The following MYO15A variants were observed in gnomAD, a reference collection of about 807,000 sequenced individuals.
MYO15A encodes myosin XVA, also known as unconventional myosin-XV.
Under a neutral mutation model 394.6 loss-of-function variants are expected in MYO15A, and 308 were observed. The ratio of observed to expected loss-of-function variants is 0.78; its 90% confidence interval spans 0.71 to 0.86. The LOEUF (loss-of-function observed/expected upper bound fraction) is 0.86, where lower values mean the gene tolerates loss of function less well. Among genes scored for constraint, MYO15A ranks in the 40% least tolerant of loss-of-function variants. The pLI is 0.00. For missense variants in MYO15A, 4,606 were observed against 4,799.1 expected, an observed-to-expected ratio of 0.96 and a Z score of 1.19; for synonymous variants, 1,957 against 2,003.8, an observed-to-expected ratio of 0.98 and a Z score of 0.62.
At chr17:18,129,344 AC>A (rs2142291696) in intron 7 of MYO15A, among the ~76,000 whole-genome samples, 1 of 152,304 alleles carries the variant, frequency 6.6e-6, no homozygotes, top group East Asian at 1.9e-4. Flanking sequence ...GAAGCAGCCA[AC>A]CTGTCCTCAA....
At chr17:18,170,305 G>A (rs1470450193) in intron 62 of MYO15A, among the ~76,000 whole-genome samples, 2 of 151,596 alleles carry the variant, frequency 1.3e-5, no homozygotes, top group Non-Finnish European at 2.9e-5. Context: ...AACACAGTAA[G>A]GGCTCAATAT....
intron 1 of MYO15A, among the ~76,000 whole-genome samples, chr17:18,114,190 G>C (rs1452900502): frequency 6.8e-6 from 1 of 146,914 alleles, no homozygotes; most frequent in Admixed American, 6.8e-5. Flanking sequence ...ACAATGCTGT[G>C]GTTTTAGTAT....
chr17:18,156,147 G>A, intron 47 of MYO15A, 48 bp from the exon 48 acceptor site: 1 of 1,613,302 alleles, frequency 6.2e-7, no homozygotes, highest in African/African-American at 1.3e-5. Flanking sequence ...TAGGTGGAAG[G>A]AGGGCATCCC....
In MYO15A at chr17:18,157,733, G is replaced by C; in HGVS notation, c.8800G>C (p.Gly2934Arg). ...TTACCCACCCCTAGGCTGGAGGTTC[G>C]GGACCATCCACGGGCGCGTGGGCCG... is the stretch of plus-strand genomic sequence containing the variant. Reference protein sequence around the residue: ...RRGPDFGWRFGTIHGRVGRFP... With the variant: ...RRGPDFGWRFRTIHGRVGRFP... Residue 2934 changes from glycine to arginine, a missense_variant, in exon 51 of 66, where the codon GGG becomes CGG. By Grantham distance (125) the Gly-to-Arg change is moderately radical. Around this residue, in one of 2 missense-constraint regions of MYO15A, gnomAD observed 2,776 missense variants for 3,109.3 expected, o/e 0.89. Transcript: ENST00000647165. 1.2e-6 allele frequency: 2 copies of C among 1,606,298 alleles called. No homozygotes were observed. The highest frequency in any genetic ancestry group is 1.6e-4 in the Middle Eastern group (1 of 6,062).
intron 4 of MYO15A, chr17:18,125,434 C>T (rs376653291): frequency 1.7e-6 from 1 of 595,948 alleles, no homozygotes; most frequent in Admixed American, 2.7e-5. Context: ...AGTGGCTCAC[C>T]CTGTAATCCC....
rs376298049 is a variant in MYO15A at position 18,140,393 on chromosome 17, G to C, written c.5212-124G>C. The C allele has an allele frequency of 4.4e-6, 6 of 1,361,978 alleles. No individual in the cohort carries two copies. In the African/African-American group the frequency reaches 7.1e-5, roughly 16 times the overall value. The allele number at this position is 1,361,978 out of a possible 1,614,324, so 84.4% of individuals were successfully genotyped here. Reference sequence around the variant, plus strand: ...CAGGATGACAGAGGCCTTGCAGAGAGAACAGGGGTCCAGTTAGTCTTCAGA... The same window carrying C: ...CAGGATGACAGAGGCCTTGCAGAGACAACAGGGGTCCAGTTAGTCTTCAGA... On this transcript the variant is annotated intron_variant, in intron 19 of 65. Transcript: ENST00000647165.
Position 18,126,885 on chromosome 17 carries a change from G to C in MYO15A, c.3941+20G>C, listed in dbSNP as rs1396069541. 1.9e-6 allele frequency: 3 copies of C among 1,613,792 alleles called. No individual in the cohort carries two copies. The highest frequency in any genetic ancestry group is 2.5e-6 in the Non-Finnish European group (3 of 1,179,848). The stretch of plus-strand genomic sequence containing the variant: ...CATTAGGTGAGTGGGCTGCCTTTAT[G>C]TGGGGGATAAATGGGGGACCTTAGG... On this transcript the variant is annotated intron_variant, in intron 6 of 65. Transcript: ENST00000647165.
intron 60 of MYO15A, chr17:18,164,315 C>T: frequency 8.8e-6 from 2 of 226,822 alleles, no homozygotes; most frequent in Admixed American, 5.3e-5. Context: ...ATCCCAAAGC[C>T]CCTTCCATCT....
At position 18,121,918 on chromosome 17, in the gene MYO15A, C is replaced by A; in HGVS notation, c.3118C>A (p.Pro1040Thr). 2 of 1,613,158 alleles carry A rather than the reference C, an allele frequency of 1.2e-6. No individual in the cohort carries two copies. Among genetic ancestry groups the A allele is most frequent in the African/African-American group, 1.3e-5 (1 of 75,014 alleles). Residue 1040 changes from proline to threonine, a missense_variant, in exon 2 of 66, where the codon CCC (proline) becomes ACC (threonine). This residue lies in a region of MYO15A where 1,830 missense variants were observed against 1,689.7 expected (regional missense o/e 1.08). Coordinates refer to ENST00000647165, the MANE Select transcript of MYO15A (RefSeq NM_016239.4). The surrounding 1 kb of genome is among the most constrained non-coding windows in gnomAD (Gnocchi z 5.3). ...PTPAPPKDVTPPKDITPPKDV... is the reference protein window; with the variant it reads ...PTPAPPKDVTTPKDITPPKDV... ...CCCAGCACCTCCCAAGGATGTCACT[C>A]CCCCCAAGGATATCACTCCCCCCAA...
rs1597831293 is a variant in MYO15A, at chr17:18,178,965, G to C, written c.*95G>C. On this transcript the variant is annotated 3_prime_UTR_variant, in exon 66 of 66. Transcript: ENST00000647165. Reference sequence around the variant, plus strand: ...CTCTCAGGATCAATGACCCCTGTAAGGGGCCAGAGCCTTGGAGGACACTAA... The same window carrying C: ...CTCTCAGGATCAATGACCCCTGTAACGGGCCAGAGCCTTGGAGGACACTAA... 7.8e-7 allele frequency: 1 copy of C among 1,282,268 alleles called. No individual in the cohort carries two copies. The highest frequency in any genetic ancestry group is 2.5e-5 in the East Asian group (1 of 40,488). The allele number at this position is 1,282,268 out of a possible 1,614,324, so 79.4% of individuals were successfully genotyped here.
Position 18,132,043 on chromosome 17 carries a change from C to T in MYO15A, c.4207-410C>T, listed in dbSNP as rs750447317. Among the ~76,000 whole-genome samples the T allele has an allele frequency of 2.0e-5, 3 of 152,194 alleles. No homozygotes were observed. The highest frequency in any genetic ancestry group is 6.5e-5 in the Admixed American group (1 of 15,284). ...CCATCAGGTCAGGGGCTTCTCTCTA[C>T]GTTGTTCCCCACTATGTCCCAAGGG... On this transcript the variant is annotated intron_variant, in intron 10 of 65. Transcript: ENST00000647165. The surrounding 1 kb of genome is among the most constrained non-coding windows in gnomAD (Gnocchi z 4.6).
chr17:18,135,926 C>T (rs1210030356), intron 13 of MYO15A, 102 bp downstream of exon 13: 2 of 1,064,398 alleles, frequency 1.9e-6, no homozygotes, highest in Non-Finnish European at 1.4e-6. Flanking sequence ...CTCTCTCCTG[C>T]TCTCTCTGTC....
rs1206025615 is a variant in MYO15A at position 18,120,668 on chromosome 17, G to A, written c.1868G>A (p.Gly623Asp). The change falls in exon 2 of 66, where the codon GGC becomes GAC. Residue 623 changes from glycine (G) to aspartate (D), a missense_variant. Physicochemically the swap from Gly to Asp is moderately conservative, Grantham distance 94. Transcript: ENST00000647165. ...KLAGMDPEKPGTPIVLRRAQP... is the reference protein window; with the variant it reads ...KLAGMDPEKPDTPIVLRRAQP... Reference sequence around the variant, plus strand: ...GCTGGCATGGACCCCGAGAAGCCCGGCACGCCCATCGTGCTGAGGAGGGCC... The same window carrying A: ...GCTGGCATGGACCCCGAGAAGCCCGACACGCCCATCGTGCTGAGGAGGGCC... 1.9e-6 allele frequency: 3 copies of A among 1,585,634 alleles called. No homozygotes were observed. Among genetic ancestry groups the A allele is most frequent in the Non-Finnish European group, 2.6e-6 (3 of 1,171,026 alleles).
intron 2 of MYO15A, 60 bp from the exon 3 acceptor site, chr17:18,124,423 G>A (rs997151951): frequency 8.3e-6 from 13 of 1,564,704 alleles, no homozygotes; most frequent in South Asian, 1.1e-5. Flanking sequence ...CCAAGCCAGG[G>A]GTCAGTGGGG....
At chr17:18,125,824 T>C (rs1205075547) in intron 4 of MYO15A, among the ~76,000 whole-genome samples, 2 of 151,230 alleles carry the variant, frequency 1.3e-5, no homozygotes, top group Admixed American at 1.3e-4. Flanking sequence ...CAGATAGAAC[T>C]TCCAGAGTCC....
intron 1 of MYO15A, chr17:18,109,760 C>T (rs1207758003): frequency 6.6e-6 from 1 of 152,222 alleles, no homozygotes; most frequent in Non-Finnish European, 1.5e-5. Context: ...TCCCTGCAGC[C>T]TCCCGGGGGT....
At position 18,121,354 on chromosome 17, in the gene MYO15A, G is replaced by T; in HGVS notation, c.2554G>T (p.Gly852Trp). The change falls in exon 2 of 66, where the codon GGG becomes TGG. Residue 852 changes from glycine (G) to tryptophan (W), a missense_variant. This residue lies in a region of MYO15A where 1,830 missense variants were observed against 1,689.7 expected (regional missense o/e 1.08). Transcript: ENST00000647165. This position sits in a 1 kb window ranked among gnomAD's most constrained non-coding sequence, Gnocchi z 5.3. ...GSPRPPSPPLGLCHSPRRSSL... is the reference protein window; with the variant it reads ...GSPRPPSPPLWLCHSPRRSSL... The stretch of plus-strand genomic sequence containing the variant: ...ACCCAGGCCGCCCTCGCCGCCCCTG[G>T]GGCTCTGCCACAGCCCGCGGCGCAG... 6.9e-7 allele frequency: 1 copy of T among 1,459,074 alleles called. No homozygotes were observed. The highest frequency in any genetic ancestry group is 1.3e-5 in the South Asian group (1 of 74,532). 90.4% of individuals were successfully genotyped at this position (1,459,074 alleles called of 1,614,324 possible). A position where few individuals can be genotyped will look rare whatever the true frequency, so the allele number is the denominator to read the frequency against.
chr17:18,148,516 G>C lies in MYO15A; in HGVS notation c.6712G>C (p.Val2238Leu). The C allele has an allele frequency of 6.4e-7, 1 of 1,552,712 alleles. No homozygotes were observed. Among genetic ancestry groups the C allele is most frequent in the Non-Finnish European group, 8.7e-7 (1 of 1,147,482 alleles). Residue 2238 changes from valine to leucine, a missense_variant, in exon 32 of 66, where the codon GTG becomes CTG. Val to Leu is a conservative substitution (Grantham distance 32). Coordinates refer to ENST00000647165, the MANE Select transcript of MYO15A (RefSeq NM_016239.4). The surrounding 1 kb of genome is among the most constrained non-coding windows in gnomAD (Gnocchi z 4.8). Reference sequence around the variant, plus strand: ...CCCAGGTGACCAGTTCTCCTGCCCGGTGCACTCCTGGAGTACGGGGGAAGA... The same window carrying C: ...CCCAGGTGACCAGTTCTCCTGCCCGCTGCACTCCTGGAGTACGGGGGAAGA... The part of the protein sequence containing the change: ...CFNGDQFSCP[V>L]HSWSTGEEVA...
At chr17:18,171,259 C>T (rs185148557) in intron 62 of MYO15A, among the ~76,000 whole-genome samples, 1 of 152,304 alleles carries the variant, frequency 6.6e-6, no homozygotes, top group Non-Finnish European at 1.5e-5. Flanking sequence ...TTTCCTCTCA[C>T]CCCTCCGGCT....
Sources: gnomAD v4.1 joint callset for allele counts (sites outside exome capture counted in the v4.1 genomes callset) on GRCh38, gnomAD v4.1.1 for gene constraint, gnomAD v4.1.1 regional missense constraint, Gnocchi (gnomAD v3.1) non-coding constraint, MANE v1.5 for transcripts, NCBI Gene and HGNC (gene_info 2026-07-23, HGNC 2026-07-21) for gene names.